PTBP3: variants seen among roughly 807,000 people sequenced by gnomAD.
PTBP3 encodes the protein polypyrimidine tract binding protein 3, also known as polypyrimidine tract-binding protein 3.
Under a neutral mutation model 58.7 loss-of-function variants are expected in PTBP3, and 20 were observed. That is an observed-to-expected ratio of 0.34 (90% confidence interval 0.24 to 0.50). The LOEUF is 0.50. Among genes scored for constraint, PTBP3 ranks in the 20% least tolerant of loss-of-function variants. The pLI is 0.98. For synonymous variants in PTBP3, 185 were observed against 219.8 expected (o/e 0.84, Z 1.40); for missense variants, 509 against 637.2 (o/e 0.80, Z 2.17).
chr9:112,222,802 T>TA lies in PTBP3; in HGVS notation c.*1048dup, dbSNP rs1834850198. 1 of 911,858 alleles carries TA rather than the reference T, an allele frequency of 1.1e-6. No homozygotes were observed. The highest frequency in any genetic ancestry group is 1.8e-5 in the African/African-American group (1 of 55,466). 56.5% of individuals were successfully genotyped at this position (911,858 alleles called of 1,614,324 possible). On this transcript the variant is annotated 3_prime_UTR_variant, in exon 14 of 14. Coordinates refer to ENST00000374257, the MANE Select transcript of PTBP3 (RefSeq NM_001163788.4). ...TATCTTAAGCACATAATAAGGCACATAATAAGAAATTAAGTAAATACACAG... is the reference window on the plus strand; with the variant it reads ...TATCTTAAGCACATAATAAGGCACATAAATAAGAAATTAAGTAAATACACAG...
chr9:112,364,401 G>A, the PTBP3 span, among the ~76,000 whole-genome samples: 1 of 152,110 alleles, frequency 6.6e-6, no homozygotes, highest in Non-Finnish European at 1.5e-5. Context: ...GCTCATGCCT[G>A]TAATCCCAGC....
At chr9:112,236,004 A>G (rs1240803974) in intron 7 of PTBP3, among the ~76,000 whole-genome samples, 3 of 152,154 alleles carry the variant, frequency 2.0e-5, no homozygotes, top group Non-Finnish European at 2.9e-5. Context: ...TTACAGAAGT[A>G]GTGAGAGGTT....
At chr9:112,291,239 A>AG (rs397729552) in intron 2 of PTBP3, among the ~76,000 whole-genome samples, 19 of 151,830 alleles carry the variant, frequency 1.3e-4, no homozygotes, top group African/African-American at 4.1e-4. Flanking sequence ...CAAAAAAAAA[A>AG]GAAAACACAT....
intron 7 of PTBP3, among the ~76,000 whole-genome samples, chr9:112,239,555 C>A (rs1310888560): frequency 5.9e-5 from 9 of 151,680 alleles, no homozygotes; most frequent in Admixed American, 5.9e-4. Flanking sequence ...CATAGTGAGA[C>A]CCCGCCTCTC....
intron 1 of PTBP3, among the ~76,000 whole-genome samples, chr9:112,299,703 A>G (rs2182807): frequency 0.85 from 129,213 of 152,204 alleles, 55,270 homozygotes; most frequent in African/African-American, 0.95. Context: ...TCCAGTGGGA[A>G]GAGTATAACT....
chr9:112,310,144 G>A (rs1829416840), intron 1 of PTBP3, among the ~76,000 whole-genome samples: 1 of 152,154 alleles, frequency 6.6e-6, no homozygotes, highest in Admixed American at 6.5e-5. Flanking sequence ...TTCCAAGACT[G>A]CCACTGTTGA....
At chr9:112,286,463 T>G (rs1286795473) in intron 2 of PTBP3, among the ~76,000 whole-genome samples, 1 of 152,186 alleles carries the variant, frequency 6.6e-6, no homozygotes, top group Non-Finnish European at 1.5e-5. Flanking sequence ...TTACTTTTTT[T>G]TAAGTGACTC....
chr9:112,251,142 A>G, intron 6 of PTBP3, 39 bp from the exon 7 acceptor site: 4 of 1,425,740 alleles, frequency 2.8e-6, no homozygotes, highest in Non-Finnish European at 3.7e-6. Context: ...TGGCAAGACA[A>G]CAACACTGAT....
At chr9:112,297,420 G>T (rs1205705677) in intron 2 of PTBP3, among the ~76,000 whole-genome samples, 1 of 152,176 alleles carries the variant, frequency 6.6e-6, no homozygotes, top group African/African-American at 2.4e-5. Flanking sequence ...GGCCAGGCTG[G>T]TCTTGAACTC....
intron 2 of PTBP3, among the ~76,000 whole-genome samples, chr9:112,286,578 T>G (rs1828127925): frequency 6.6e-6 from 1 of 152,222 alleles, no homozygotes; most frequent in Admixed American, 6.5e-5. Flanking sequence ...TACGTCTCTT[T>G]CCCTCAAGCT....
At position 112,321,078 on chromosome 9, in the gene PTBP3, G is replaced by A. The variant is rs569065590; in HGVS notation, c.-52+12392C>T. On this transcript the variant is annotated intron_variant, in intron 1 of 13. Transcript: ENST00000374257. ...ACACCATTAAGGAATGAACAAACAA[G>A]CCACAGACAGGAAAATATTCACAAT... 2.4e-4 allele frequency among the ~76,000 whole-genome samples: 36 copies of A among 152,078 alleles called. No individual in the cohort carries two copies. In the Middle Eastern group the frequency reaches 0.014, roughly 57 times the overall value.
At chr9:112,366,251 C>T in the PTBP3 span, among the ~76,000 whole-genome samples, 5 of 150,286 alleles carry the variant, frequency 3.3e-5, no homozygotes, top group African/African-American at 4.9e-5. Context: ...CATTGCACTC[C>T]AGCCTGGGCA....
chr9:112,227,301 G>A (rs1589794636), intron 12 of PTBP3, 110 bp downstream of exon 12: 1 of 1,124,250 alleles, frequency 8.9e-7, no homozygotes, highest in East Asian at 2.5e-5. Flanking sequence ...AGAAACTGTT[G>A]ACCAGGACAA....
At chr9:112,231,441 T>C (rs1204508494) in intron 9 of PTBP3, 28 bp from the exon 10 acceptor site, 1 of 1,543,616 alleles carries the variant, frequency 6.5e-7, no homozygotes, top group Non-Finnish European at 8.8e-7. Context: ...AAGTTAAGTG[T>C]CTGACAATTT....
chr9:112,338,832 C>T, the PTBP3 span, among the ~76,000 whole-genome samples: 1 of 152,192 alleles, frequency 6.6e-6, no homozygotes, highest in Non-Finnish European at 1.5e-5. Context: ...ATGTAATCAT[C>T]TCCACATGAA....
intron 2 of PTBP3, among the ~76,000 whole-genome samples, chr9:112,277,535 G>T (rs1311792787): frequency 1.3e-5 from 2 of 151,818 alleles, no homozygotes; most frequent in Admixed American, 6.6e-5. Flanking sequence ...ATATTCTGGG[G>T]ATCCAGTATC....
At chr9:112,235,267 C>A (rs1034186358) in intron 7 of PTBP3, among the ~76,000 whole-genome samples, 2 of 152,130 alleles carry the variant, frequency 1.3e-5, no homozygotes, top group South Asian at 4.1e-4. Flanking sequence ...AAAATCCTTG[C>A]CTTTGAGAGG....
chr9:112,220,654 C>G lies in PTBP3; in HGVS notation c.*3197G>C. 1 of 988,528 alleles carries G rather than the reference C, an allele frequency of 1.0e-6. No homozygotes were observed. Among genetic ancestry groups the G allele is most frequent in the African/African-American group, 1.7e-5 (1 of 57,348 alleles). 61.2% of individuals were successfully genotyped at this position (988,528 alleles called of 1,614,324 possible). ...AGAGCTGCTGGGTAATTCTGATACT[C>G]TCCAGTAAGTATCAATTAAGATACT... On this transcript the variant is annotated 3_prime_UTR_variant, in exon 14 of 14. Transcript: ENST00000374257.
At chr9:112,268,220 G>T in intron 3 of PTBP3, 25 bp from the exon 4 acceptor site, 1 of 1,589,892 alleles carries the variant, frequency 6.3e-7, no homozygotes, top group Non-Finnish European at 8.5e-7. Context: ...AGAAGGTAAA[G>T]TTAAAGCTCA....
Sources: allele counts gnomAD v4.1 joint callset (sites outside exome capture counted in the v4.1 genomes callset), GRCh38; gene constraint gnomAD v4.1.1; transcripts MANE v1.5; gene names NCBI Gene and HGNC (gene_info 2026-07-23, HGNC 2026-07-21).